PCDHGB1: variants seen among roughly 807,000 people sequenced by gnomAD.
PCDHGB1 encodes the protein protocadherin gamma-B1.
PCDHGB1 carries 34 observed loss-of-function variants against 56.6 expected under a neutral mutation model. The ratio of observed to expected loss-of-function variants is 0.60; its 90% CI spans 0.46 to 0.80. PCDHGB1 has a LOEUF of 0.80. PCDHGB1 is among the 30% of genes least tolerant of loss of function. PCDHGB1 has a pLI of 0.00. For missense variants in PCDHGB1, 1,278 were observed against 1,204.6 expected, an observed-to-expected ratio of 1.06 and a Z score of -0.90; for synonymous variants, 561 against 505.9, an observed-to-expected ratio of 1.11 and a Z score of -1.46.
At chr5:141,510,917 C>A in intron 3 of PCDHGB1, 30 bp from the exon 4 acceptor site, 2 of 1,613,854 alleles carry the variant, frequency 1.2e-6, no homozygotes, top group Non-Finnish European at 8.5e-7. Flanking sequence ...CTAAGTTTAG[C>A]TCCCACCTGA....
chr5:141,409,351 G>T, intron 1 of PCDHGB1: 1 of 1,613,982 alleles, frequency 6.2e-7, no homozygotes, highest in South Asian at 1.1e-5. Flanking sequence ...GAGAAGTCAG[G>T]TGTAATATAG....
Position 141,477,691 on chromosome 5 carries a change from A to G in PCDHGB1, c.2410-17116A>G, listed in dbSNP as rs1315811441. 6.2e-7 allele frequency: 1 copy of G among 1,614,188 alleles called. No homozygotes were observed. Among genetic ancestry groups the G allele is most frequent in the South Asian group, 1.1e-5 (1 of 91,090 alleles). On this transcript the variant is annotated intron_variant, in intron 1 of 3. Coordinates refer to ENST00000523390, the MANE Select transcript of PCDHGB1 (RefSeq NM_018922.3). This position sits in a 1 kb window ranked among gnomAD's most constrained non-coding sequence, Gnocchi z 4.9. ...GCATAGTGTCATCCTTAGTGCCCCT[A>G]GACTATGAGGATCGGCGGGAATTTG...
intron 1 of PCDHGB1, chr5:141,371,115 G>A (rs757942462): frequency 1.2e-6 from 2 of 1,613,784 alleles, no homozygotes; most frequent in African/African-American, 1.3e-5. Context: ...TAACCCCCCA[G>A]TATTTACTCA....
At chr5:141,420,353 G>C (rs1281948860) in intron 1 of PCDHGB1, 1 of 1,382,260 alleles carries the variant, frequency 7.2e-7, no homozygotes, top group African/African-American at 1.5e-5. Context: ...ATTATTTTAA[G>C]ATTCTAGATA....
At chr5:141,470,508 G>A (rs947583701) in intron 1 of PCDHGB1, among the ~76,000 whole-genome samples, 10 of 152,176 alleles carry the variant, frequency 6.6e-5, no homozygotes, top group African/African-American at 2.4e-4. Flanking sequence ...TAATTAGACA[G>A]TTAGCTAATA....
chr5:141,419,792 G>A (rs1379811891), intron 1 of PCDHGB1: 1 of 1,614,042 alleles, frequency 6.2e-7, no homozygotes, highest in African/African-American at 1.3e-5. Flanking sequence ...CCTGCTAGTC[G>A]CTGTAAGAGA....
Position 141,490,330 on chromosome 5 carries a change from C to G in PCDHGB1, c.2410-4477C>G. 4 of 1,614,198 alleles carry G rather than the reference C, an allele frequency of 2.5e-6. No homozygotes were observed. Among genetic ancestry groups the G allele is most frequent in the South Asian group, 1.1e-5 (1 of 91,082 alleles). On this transcript the variant is annotated intron_variant, in intron 1 of 3. Coordinates refer to ENST00000523390, the MANE Select transcript of PCDHGB1 (RefSeq NM_018922.3). This position sits in a 1 kb window ranked among gnomAD's most constrained non-coding sequence, Gnocchi z 5.4. ...GGCCAACCCTGTCCTAGAGAGCACACCAGTGGGCACAGTAGTGGGGTTGTT... is the reference window on the plus strand; with the variant it reads ...GGCCAACCCTGTCCTAGAGAGCACAGCAGTGGGCACAGTAGTGGGGTTGTT...
rs561261966 is a variant in PCDHGB1, at chr5:141,351,572, A to T, written c.1312A>T (p.Ile438Phe). 6.2e-7 allele frequency: 1 copy of T among 1,614,024 alleles called. No homozygotes were observed. Among genetic ancestry groups the T allele is most frequent in the Non-Finnish European group, 8.5e-7 (1 of 1,179,888 alleles). Residue 438 changes from isoleucine (I) to phenylalanine (F), a missense_variant, in exon 1 of 4, where the codon ATC becomes TTC. Coordinates refer to ENST00000523390, the MANE Select transcript of PCDHGB1 (RefSeq NM_018922.3). Reference sequence around the variant, plus strand: ...CTCCAGGACAAGCATCACCCTGCACATCTCCGACATCAACGACAATGCACC... The same window carrying T: ...CTCCAGGACAAGCATCACCCTGCACTTCTCCGACATCAACGACAATGCACC... ...LSSRTSITLH[I>F]SDINDNAPVF...
chr5:141,415,502 A>AGCCC, intron 1 of PCDHGB1: 1 of 1,614,204 alleles, frequency 6.2e-7, no homozygotes, highest in South Asian at 1.1e-5. Flanking sequence ...ATCTTCCCCC[A>AGCCC]GCCCAATTAT....
intron 1 of PCDHGB1, among the ~76,000 whole-genome samples, chr5:141,462,361 T>C (rs1354253099): frequency 6.6e-6 from 1 of 152,282 alleles, no homozygotes; most frequent in Non-Finnish European, 1.5e-5. Flanking sequence ...ATACATTGTA[T>C]AGTTTCTATT....
chr5:141,510,959 G>A lies in PCDHGB1; in HGVS notation c.2570G>A (p.Gly857Glu). 6.2e-7 allele frequency: 1 copy of A among 1,614,110 alleles called. No individual in the cohort carries two copies. Among genetic ancestry groups the A allele is most frequent in the Non-Finnish European group, 8.5e-7 (1 of 1,180,012 alleles). Residue 857 changes from glycine to glutamate, a missense_variant, in exon 4 of 4, where the codon GGG becomes GAG. Coordinates refer to ENST00000523390, the MANE Select transcript of PCDHGB1 (RefSeq NM_018922.3). ...TCTGTCTCTGCAGAAGCTGCTGATG[G>A]GAGCTCCACCCTGGGAGGGGGTGCC... ...ILASASEAADGSSTLGGGAGT... is the reference protein window; with the variant it reads ...ILASASEAADESSTLGGGAGT...
chr5:141,458,385 C>T (rs1371423838), intron 1 of PCDHGB1, among the ~76,000 whole-genome samples: 15 of 152,104 alleles, frequency 9.9e-5, no homozygotes, highest in East Asian at 1.9e-4. Context: ...AGAAGGAAGA[C>T]GCTCCCCCTT....
intron 1 of PCDHGB1, chr5:141,392,972 G>T: frequency 6.2e-7 from 1 of 1,613,920 alleles, no homozygotes. Context: ...AGGACCTGGG[G>T]CTGGACCCCC....
chr5:141,447,018 G>GT (rs1329161304), intron 1 of PCDHGB1, among the ~76,000 whole-genome samples: 6 of 142,194 alleles, frequency 4.2e-5, no homozygotes, highest in African/African-American at 1.6e-4. Context: ...GTTCAGTTTT[G>GT]TTTTGTTTTT....
chr5:141,414,920 C>A (rs1222364302), intron 1 of PCDHGB1: 1 of 1,614,146 alleles, frequency 6.2e-7, no homozygotes, highest in South Asian at 1.1e-5. Flanking sequence ...GTGGAGCTGG[C>A]GCCCCGCTCC....
At chr5:141,426,756 G>C in intron 1 of PCDHGB1, 1 of 456,302 alleles carries the variant, frequency 2.2e-6, no homozygotes, top group Non-Finnish European at 4.4e-6. Context: ...ATCTGCTATA[G>C]ATGCAGATGT....
rs768354664 is a variant in PCDHGB1 at position 141,485,690 on chromosome 5, A to C, written c.2410-9117A>C. On this transcript the variant is annotated intron_variant, in intron 1 of 3. Coordinates refer to ENST00000523390, the MANE Select transcript of PCDHGB1 (RefSeq NM_018922.3). This position sits in a 1 kb window ranked among gnomAD's most constrained non-coding sequence, Gnocchi z 5.7. ...CAATTCGATTAGCAGCTATAGGCTG[A>C]GCTCCAATGAACACTTTGCACTGGA... 1.6e-5 allele frequency: 26 copies of C among 1,614,106 alleles called. No individual in the cohort carries two copies. In the South Asian group the frequency reaches 2.7e-4, roughly 17 times the overall value.
At position 141,505,499 on chromosome 5, in the gene PCDHGB1, G is replaced by A. The variant is rs753203943; in HGVS notation, c.2557+18G>A. ...CGCCAGTGGTAAGTGGTGTCAGTGT[G>A]TGTATGGAAGAGTGGGAGACCTGGG... is the stretch of plus-strand genomic sequence containing the variant. On this transcript the variant is annotated intron_variant, in intron 3 of 3. Transcript: ENST00000523390. 6.2e-7 allele frequency: 1 copy of A among 1,614,172 alleles called. No homozygotes were observed. The highest frequency in any genetic ancestry group is 8.5e-7 in the Non-Finnish European group (1 of 1,179,982).
intron 1 of PCDHGB1, chr5:141,423,253 C>T (rs750278899): frequency 6.2e-7 from 1 of 1,613,916 alleles, no homozygotes; most frequent in Non-Finnish European, 8.5e-7. Flanking sequence ...CCTGGCGGAC[C>T]TCGGCAGCCT....
Sources: gnomAD v4.1 joint callset for allele counts (sites outside exome capture counted in the v4.1 genomes callset) on GRCh38, gnomAD v4.1.1 for gene constraint, Gnocchi (gnomAD v3.1) non-coding constraint, MANE v1.5 for transcripts, NCBI Gene and HGNC (gene_info 2026-07-23, HGNC 2026-07-21) for gene names.